RNF220: variants seen among roughly 807,000 people sequenced by gnomAD.
RNF220 encodes ring finger protein 220, also known as E3 ubiquitin-protein ligase RNF220.
RNF220 carries 7 observed loss-of-function variants against 67.1 expected under a neutral mutation model. The observed-to-expected ratio is 0.10, with a 90% CI of 0.06 to 0.20. RNF220 has a LOEUF of 0.20. RNF220 is among the 10% of genes least tolerant of loss of function. The probability of loss-of-function intolerance (pLI) is 1.00; values close to 1 mark genes in which losing one functional copy is unlikely to be tolerated. For missense variants in RNF220, 565 were observed against 740.3 expected, an observed-to-expected ratio of 0.76 and a Z score of 2.75; for synonymous variants, 270 against 283.2, an observed-to-expected ratio of 0.95 and a Z score of 0.47.
chr1:44,552,970 A>G (rs1662784750), intron 2 of RNF220, among the ~76,000 whole-genome samples: 19 of 152,108 alleles, frequency 1.2e-4, no homozygotes, highest in Admixed American at 1.2e-3. Context: ...TACAAATTCC[A>G]GCCGTGCTGA....
Position 44,606,815 on chromosome 1 carries a change from G to C in RNF220, c.626-7350G>C, listed in dbSNP as rs573251043. Among the ~76,000 whole-genome samples the C allele has an allele frequency of 8.5e-5, 13 of 152,270 alleles. No individual in the cohort carries two copies. The East Asian group carries it at 2.1e-3, about 25-fold the overall frequency. The stretch of plus-strand genomic sequence containing the variant: ...CATGCCAGACATTGTTCCAGGCACA[G>C]AGGACACAGTGGTGAGCTTCGGTGC... On this transcript the variant is annotated intron_variant, in intron 2 of 14. Transcript: ENST00000361799. The surrounding 1 kb of genome is among the most constrained non-coding windows in gnomAD (Gnocchi z 4.2).
intron 5 of RNF220, 66 bp from the exon 6 acceptor site, chr1:44,632,277 C>A: frequency 1.9e-6 from 3 of 1,613,844 alleles, no homozygotes; most frequent in Non-Finnish European, 2.5e-6. Flanking sequence ...GGGCGGGGGC[C>A]AGGACTGCAG....
intron 2 of RNF220, among the ~76,000 whole-genome samples, chr1:44,578,426 G>A (rs138409168): frequency 3.3e-5 from 5 of 152,288 alleles, no homozygotes; most frequent in East Asian, 1.9e-4. Context: ...ATGAGCTACC[G>A]CGCCTGGCCA....
At chr1:44,601,286 G>C (rs1048605431) in intron 2 of RNF220, among the ~76,000 whole-genome samples, 1 of 152,182 alleles carries the variant, frequency 6.6e-6, no homozygotes, top group Non-Finnish European at 1.5e-5. Context: ...AGGTAAAAAA[G>C]TATGGGCAGC....
chr1:44,571,514 G>C (rs1407471104), intron 2 of RNF220, among the ~76,000 whole-genome samples: 3 of 152,222 alleles, frequency 2.0e-5, no homozygotes, highest in Non-Finnish European at 2.9e-5. Flanking sequence ...GCAGTAGAAA[G>C]TAAGTTCTAC....
rs1657529710 is a variant in RNF220, at chr1:44,498,321, C to T, written c.625+85599C>T. The stretch of plus-strand genomic sequence containing the variant: ...ACACAGCCTCACCACCCAATTCTGC[C>T]CAAGAGTGTACCAGGACCGATGTCA... On this transcript the variant is annotated intron_variant, in intron 2 of 14. Transcript: ENST00000361799. Among the ~76,000 whole-genome samples the T allele has an allele frequency of 3.3e-5, 5 of 152,200 alleles. No homozygotes were observed. The South Asian group carries it at 1.0e-3, about 32-fold the overall frequency.
intron 2 of RNF220, among the ~76,000 whole-genome samples, chr1:44,461,924 G>GTTTTTTTTT (rs201661366): frequency 6.5e-5 from 8 of 123,568 alleles, no homozygotes; most frequent in South Asian, 2.7e-4. Context: ...TTTTTTCTTT[G>GTTTTTTTTT]TTTTTTTTTT....
intron 2 of RNF220, among the ~76,000 whole-genome samples, chr1:44,441,229 C>G (rs933387425): frequency 3.3e-5 from 5 of 152,158 alleles, no homozygotes; most frequent in African/African-American, 1.2e-4. Flanking sequence ...CCCTAAGCAG[C>G]CATAGGGACT....
At chr1:44,445,178 A>G (rs111898626) in intron 2 of RNF220, among the ~76,000 whole-genome samples, 5 of 152,176 alleles carry the variant, frequency 3.3e-5, no homozygotes, top group South Asian at 2.1e-4. Flanking sequence ...TGCCTGTTCA[A>G]TGTTTTGTTC....
rs1644317495 is a variant in RNF220 at position 44,636,027 on chromosome 1, C to T, written c.994-3C>T. Reference sequence around the variant, plus strand: ...CAGCATGATCCTGCTCTGCTCTTCACAGAGGGAAGGCTCCTGCATGGCTGA... The same window carrying T: ...CAGCATGATCCTGCTCTGCTCTTCATAGAGGGAAGGCTCCTGCATGGCTGA... On this transcript the variant is annotated splice_polypyrimidine_tract_variant and splice_region_variant and intron_variant, in intron 7 of 14. Coordinates refer to ENST00000361799, the MANE Select transcript of RNF220 (RefSeq NM_018150.4). 1 of 1,614,198 alleles carries T rather than the reference C, an allele frequency of 6.2e-7. No individual in the cohort carries two copies. The highest frequency in any genetic ancestry group is 8.5e-7 in the Non-Finnish European group (1 of 1,180,024).
chr1:44,563,858 C>A (rs955758069), intron 2 of RNF220, among the ~76,000 whole-genome samples: 54 of 152,306 alleles, frequency 3.5e-4, no homozygotes, highest in African/African-American at 1.3e-3. Context: ...TTCCTGGGCT[C>A]CTTTTCTTGC....
intron 2 of RNF220, among the ~76,000 whole-genome samples, chr1:44,554,896 A>T (rs1662947503): frequency 6.6e-6 from 1 of 152,048 alleles, no homozygotes; most frequent in Non-Finnish European, 1.5e-5. Context: ...AGATTTTTGC[A>T]ATAGCTTCCT....
chr1:44,550,082 C>T (rs1662503601), intron 2 of RNF220, among the ~76,000 whole-genome samples: 1 of 152,206 alleles, frequency 6.6e-6, no homozygotes, highest in African/African-American at 2.4e-5. Flanking sequence ...GGGAATGTTT[C>T]AGGCCCTATG....
intron 6 of RNF220, among the ~76,000 whole-genome samples, chr1:44,634,058 G>A (rs1644251350): frequency 6.6e-6 from 1 of 152,224 alleles, no homozygotes; most frequent in South Asian, 2.1e-4. Context: ...GCCCAGTTCT[G>A]GCAGGATGGT....
intron 2 of RNF220, among the ~76,000 whole-genome samples, chr1:44,563,970 A>G (rs549417177): frequency 6.6e-6 from 1 of 152,276 alleles, no homozygotes; most frequent in African/African-American, 2.4e-5. Flanking sequence ...GCTGCCCACT[A>G]GATTCAATTC....
At chr1:44,450,597 C>G (rs1652569713) in intron 2 of RNF220, among the ~76,000 whole-genome samples, 1 of 152,108 alleles carries the variant, frequency 6.6e-6, no homozygotes, top group South Asian at 2.1e-4. Flanking sequence ...CCTTTTTTCA[C>G]TTAACTATGT....
At chr1:44,626,542 C>G (rs1643944926) in intron 5 of RNF220, 144 bp downstream of exon 5, 2 of 638,146 alleles carry the variant, frequency 3.1e-6, no homozygotes, top group Admixed American at 2.6e-5. Flanking sequence ...GTCCCGTGCC[C>G]CTAAGTGAAC....
intron 2 of RNF220, among the ~76,000 whole-genome samples, chr1:44,484,016 T>A (rs12076325): frequency 1.2e-3 from 179 of 152,288 alleles, no homozygotes; most frequent in African/African-American, 3.9e-3. Flanking sequence ...AATCTGGGAA[T>A]AACTGTTTCC....
At chr1:44,518,062 G>A (rs973081986) in intron 2 of RNF220, among the ~76,000 whole-genome samples, 5 of 152,026 alleles carry the variant, frequency 3.3e-5, no homozygotes, top group Non-Finnish European at 7.4e-5. Flanking sequence ...AGTGGAGATC[G>A]TGCCACTGCA....
Sources: allele counts gnomAD v4.1 joint callset (sites outside exome capture counted in the v4.1 genomes callset), GRCh38; gene constraint gnomAD v4.1.1; non-coding constraint Gnocchi (gnomAD v3.1); transcripts MANE v1.5; gene names NCBI Gene and HGNC (gene_info 2026-07-23, HGNC 2026-07-21).